The following FBLN7 variants were observed in gnomAD, a reference collection of about 807,000 sequenced individuals.
FBLN7 encodes the protein fibulin-7.
A neutral mutation model predicts 44.0 loss-of-function variants in FBLN7; 31 were observed. The ratio of observed to expected loss-of-function variants is 0.70; its 90% CI spans 0.53 to 0.95. FBLN7 has a LOEUF of 0.95. Ranked by LOEUF, FBLN7 falls within the 40% of genes least tolerant of loss-of-function variation. The probability of loss-of-function intolerance (pLI) is 0.00; values close to 1 mark genes in which losing one functional copy is unlikely to be tolerated. For missense variants in FBLN7, 573 were observed against 618.5 expected, an observed-to-expected ratio of 0.93 and a Z score of 0.78; for synonymous variants, 262 against 253.4, an observed-to-expected ratio of 1.03 and a Z score of -0.32.
chr2:112,139,435 A>C (rs367924941), intron 1 of FBLN7, among the ~76,000 whole-genome samples: 85 of 8,252 alleles, frequency 0.01, no homozygotes, highest in Admixed American at 0.023. Context: ...AGTGTCCCTC[A>C]CGCCTCTCTC....
Position 112,138,719 on chromosome 2 carries a change from C to T in FBLN7, c.64C>T (p.Arg22Trp), listed in dbSNP as rs1680472394. Reference sequence around the variant, plus strand: ...CCTGATCCTCGCCTGCCCCGAGCCGCGGGCTTCCCAGGTCAGTGTCCCTCC... The same window carrying T: ...CCTGATCCTCGCCTGCCCCGAGCCGTGGGCTTCCCAGGTCAGTGTCCCTCC... ...LLLILACPEP[R>W]ASQNCLSKQQ... Residue 22 changes from arginine (R) to tryptophan (W), a missense_variant, in exon 1 of 8, where the codon CGG (arginine) becomes TGG (tryptophan). By Grantham distance (101) the Arg-to-Trp change is moderately radical (BLOSUM62 -3). Coordinates refer to ENST00000331203, the MANE Select transcript of FBLN7 (RefSeq NM_153214.3). 1 of 1,612,486 alleles carries T rather than the reference C, an allele frequency of 6.2e-7. No homozygotes were observed. Among genetic ancestry groups the T allele is most frequent in the African/African-American group, 1.3e-5 (1 of 74,872 alleles).
At chr2:112,226,154 G>T in the FBLN7 span, among the ~76,000 whole-genome samples, 1 of 150,414 alleles carries the variant, frequency 6.6e-6, no homozygotes, top group Non-Finnish European at 1.5e-5. Context: ...ACAAATTTAC[G>T]CCAACAAAGT....
intron 1 of FBLN7, among the ~76,000 whole-genome samples, chr2:112,144,523 CTTTTTTT>C (rs35764058): frequency 1.6e-5 from 2 of 123,794 alleles, no homozygotes; most frequent in Non-Finnish European, 3.4e-5. Flanking sequence ...GTTTTCTTTT[CTTTTTTT>C]TTTTTTTTTT....
At chr2:112,160,782 G>GCACGCACACGCACACACGCACGCACACA (rs1681796962) in intron 2 of FBLN7, among the ~76,000 whole-genome samples, 1 of 131,394 alleles carries the variant, frequency 7.6e-6, no homozygotes, top group Non-Finnish European at 1.6e-5. Flanking sequence ...AGACGCACAC[G>GCACGCACACGCACACACGCACGCACACA]CACGCACACG....
the FBLN7 span, chr2:112,213,171 T>G: frequency 1.3e-5 from 2 of 152,018 alleles, no homozygotes; most frequent in African/African-American, 2.4e-5. Flanking sequence ...GATCTTGCTA[T>G]GTTGCCAAGG....
chr2:112,222,233 G>A, the FBLN7 span, among the ~76,000 whole-genome samples: 2 of 152,108 alleles, frequency 1.3e-5, no homozygotes, highest in African/African-American at 4.8e-5. Context: ...TGACAGATAG[G>A]TTGTATCCTT....
At chr2:112,219,361 G>A in the FBLN7 span, among the ~76,000 whole-genome samples, 1 of 152,168 alleles carries the variant, frequency 6.6e-6, no homozygotes, top group Non-Finnish European at 1.5e-5. Context: ...AATGGTGCTA[G>A]GAAAACTGGA....
the FBLN7 span, among the ~76,000 whole-genome samples, chr2:112,194,287 A>G: frequency 8.5e-5 from 13 of 152,224 alleles, no homozygotes; most frequent in Non-Finnish European, 1.9e-4. Flanking sequence ...AGATTTTCAT[A>G]TGTACAAGCT....
At chr2:112,180,209 C>A (rs936480540) in intron 4 of FBLN7, among the ~76,000 whole-genome samples, 1 of 152,116 alleles carries the variant, frequency 6.6e-6, no homozygotes, top group South Asian at 2.1e-4. Flanking sequence ...AGAAAACCTA[C>A]AACAGGCCAA....
chr2:112,243,290 CT>C, the FBLN7 span, among the ~76,000 whole-genome samples: 1 of 152,188 alleles, frequency 6.6e-6, no homozygotes, highest in Non-Finnish European at 1.5e-5. Flanking sequence ...TCCGCCTAAC[CT>C]TTGATTGGCA....
chr2:112,225,389 G>A, the FBLN7 span, among the ~76,000 whole-genome samples: 3 of 152,168 alleles, frequency 2.0e-5, no homozygotes, highest in East Asian at 3.9e-4. Context: ...TAGGTAGAAG[G>A]ATTGCTTGAG....
the FBLN7 span, chr2:112,213,774 TC>T: frequency 7.4e-5 from 1 of 13,496 alleles, no homozygotes; most frequent in African/African-American, 3.8e-4. Flanking sequence ...AGACTCCGTC[TC>T]AAAAAAAAAA....
In FBLN7 at chr2:112,181,972, G is replaced by C. The variant is rs755656525; in HGVS notation, c.670+96G>C. The C allele has an allele frequency of 8.4e-6, 12 of 1,421,550 alleles. No individual in the cohort carries two copies. In the South Asian group the frequency reaches 1.6e-4, roughly 18 times the overall value. The allele number at this position is 1,421,550 out of a possible 1,614,324, so 88.1% of individuals were successfully genotyped here. A position where few individuals can be genotyped will look rare whatever the true frequency, so the allele number is the denominator to read the frequency against. Reference sequence around the variant, plus strand: ...CCACCGCCCTCCTGCCGGCACGGGTGGCTTCCTGCGCGCGGTCTCAGAAGG... The same window carrying C: ...CCACCGCCCTCCTGCCGGCACGGGTCGCTTCCTGCGCGCGGTCTCAGAAGG... On this transcript the variant is annotated intron_variant, in intron 5 of 7. Coordinates refer to ENST00000331203, the MANE Select transcript of FBLN7 (RefSeq NM_153214.3).
At chr2:112,215,142 G>T in the FBLN7 span, 1 of 152,060 alleles carries the variant, frequency 6.6e-6, no homozygotes, top group African/African-American at 2.4e-5. Flanking sequence ...TGTAGTATAA[G>T]ATTAACTACA....
chr2:112,240,214 T>C, the FBLN7 span, among the ~76,000 whole-genome samples: 1 of 152,258 alleles, frequency 6.6e-6, no homozygotes. Context: ...CACCTGTTTC[T>C]GTAAATACAG....
the FBLN7 span, among the ~76,000 whole-genome samples, chr2:112,223,192 G>A: frequency 1.3e-5 from 2 of 151,666 alleles, no homozygotes; most frequent in Non-Finnish European, 2.9e-5. Context: ...CACCAACATG[G>A]CACATGTATA....
chr2:112,183,522 T>C (rs529772716), intron 6 of FBLN7, among the ~76,000 whole-genome samples: 14 of 152,254 alleles, frequency 9.2e-5, no homozygotes, highest in African/African-American at 3.1e-4. Context: ...GCCTGAAAGA[T>C]TGTGGCTCTG....
At chr2:112,206,201 A>T in the FBLN7 span, among the ~76,000 whole-genome samples, 1 of 152,130 alleles carries the variant, frequency 6.6e-6, no homozygotes, top group Non-Finnish European at 1.5e-5. Context: ...CATTTCTTGC[A>T]GGATTTCTGG....
In FBLN7 at chr2:112,138,621, T is replaced by A; in HGVS notation, c.-35T>A. The A allele has an allele frequency of 6.2e-7, 1 of 1,613,504 alleles. No homozygotes were observed. Among genetic ancestry groups the A allele is most frequent in the South Asian group, 1.1e-5 (1 of 91,068 alleles). On this transcript the variant is annotated 5_prime_UTR_variant, in exon 1 of 8. Transcript: ENST00000331203. ...AACTCGGCAGCGGAGGCAAAGTTAT[T>A]TCCCCTCCCAGGCAGCGGGATTCCG... is the stretch of plus-strand genomic sequence containing the variant.
Sources: gnomAD v4.1 joint callset for allele counts (sites outside exome capture counted in the v4.1 genomes callset) on GRCh38, gnomAD v4.1.1 for gene constraint, MANE v1.5 for transcripts, NCBI Gene and HGNC (gene_info 2026-07-23, HGNC 2026-07-21) for gene names.